Variants in NRG3 observed in about 807,000 individuals in gnomAD.
The protein encoded by NRG3 is pro-neuregulin-3, membrane-bound isoform.
Under a neutral mutation model 66.9 loss-of-function variants are expected in NRG3, and 31 were observed. The ratio of observed to expected loss-of-function variants is 0.46; its 90% CI spans 0.35 to 0.63. The LOEUF is 0.63. Among genes scored for constraint, NRG3 ranks in the 20% least tolerant of loss-of-function variants. NRG3 has a pLI of 0.00. For synonymous variants in NRG3, 393 were observed against 359.4 expected (o/e 1.09, Z -1.06); for missense variants, 910 against 878.9 (o/e 1.04, Z -0.45).
At chr10:82,315,925 G>A (rs1222319249) in intron 1 of NRG3, among the ~76,000 whole-genome samples, 1 of 152,094 alleles carries the variant, frequency 6.6e-6, no homozygotes, top group African/African-American at 2.4e-5. Flanking sequence ...GGGATTACAG[G>A]TGGGAGCCAC....
intron 2 of NRG3, among the ~76,000 whole-genome samples, chr10:82,703,428 A>G (rs1464897034): frequency 1.3e-5 from 2 of 152,096 alleles, no homozygotes; most frequent in African/African-American, 4.8e-5. Flanking sequence ...GGAGCTAGCT[A>G]CCCCAAATCA....
chr10:82,521,638 C>T (rs1326424577), intron 2 of NRG3, among the ~76,000 whole-genome samples: 1 of 152,146 alleles, frequency 6.6e-6, no homozygotes, highest in African/African-American at 2.4e-5. Flanking sequence ...CGTGCCCGGC[C>T]AGACTGTGGA....
chr10:81,970,299 T>C lies in NRG3; in HGVS notation c.823+94136T>C, dbSNP rs115464053. ...AAATCAACATGTCAGAGAGATGTTA[T>C]TTGTTACTGGCTCTGTGACTAATTA... On this transcript the variant is annotated intron_variant, in intron 1 of 8. Transcript: ENST00000372141. 5.7e-3 allele frequency among the ~76,000 whole-genome samples: 869 copies of C among 151,852 alleles called. 11 individuals are homozygous for C. The highest frequency in any genetic ancestry group is 0.02 in the African/African-American group (819 of 41,130).
At chr10:81,882,839 T>C (rs1305329085) in intron 1 of NRG3, among the ~76,000 whole-genome samples, 2 of 152,178 alleles carry the variant, frequency 1.3e-5, no homozygotes. Flanking sequence ...CAATAAAATA[T>C]AGTGTGGAGT....
intron 4 of NRG3, among the ~76,000 whole-genome samples, chr10:82,937,183 GGTTCTAT>G (rs1171212159): frequency 6.6e-6 from 1 of 151,928 alleles, no homozygotes; most frequent in Non-Finnish European, 1.5e-5. Context: ...TTTTACAATG[GGTTCTAT>G]GATATATTAA....
intron 1 of NRG3, among the ~76,000 whole-genome samples, chr10:82,301,071 A>G (rs2080375958): frequency 1.3e-5 from 2 of 152,208 alleles, no homozygotes; most frequent in South Asian, 4.1e-4. Flanking sequence ...TATCTCTTGC[A>G]GCAAGTAATT....
intron 4 of NRG3, among the ~76,000 whole-genome samples, chr10:82,916,824 C>A (rs1021700410): frequency 6.6e-6 from 1 of 152,178 alleles, no homozygotes; most frequent in Admixed American, 6.5e-5. Flanking sequence ...CCATGTTGGC[C>A]AGGCTGGTCA....
intron 1 of NRG3, among the ~76,000 whole-genome samples, chr10:82,097,031 C>T (rs193170784): frequency 1.3e-5 from 2 of 152,216 alleles, no homozygotes; most frequent in East Asian, 1.9e-4. Context: ...ACTACCACCA[C>T]GATTAGATAC....
At chr10:82,893,101 G>GTA (rs1003586399) in intron 4 of NRG3, among the ~76,000 whole-genome samples, 1 of 152,148 alleles carries the variant, frequency 6.6e-6, no homozygotes, top group African/African-American at 2.4e-5. Context: ...GATATGAAGT[G>GTA]TATAATTAAG....
intron 3 of NRG3, among the ~76,000 whole-genome samples, chr10:82,752,403 A>G (rs1387455511): frequency 2.6e-5 from 4 of 152,130 alleles, no homozygotes; most frequent in Non-Finnish European, 4.4e-5. Context: ...AGTAAAATGA[A>G]CAAAAAATCC....
At chr10:82,369,181 G>A (rs1002249290) in intron 2 of NRG3, among the ~76,000 whole-genome samples, 1 of 139,034 alleles carries the variant, frequency 7.2e-6, no homozygotes, top group Non-Finnish European at 1.5e-5. Context: ...TACCAGACTA[G>A]GGAGGCTGAC....
Position 82,038,200 on chromosome 10 carries a change from A to C in NRG3, c.823+162037A>C, listed in dbSNP as rs115815710. Among the ~76,000 whole-genome samples, 1,487 of 152,268 alleles carry C rather than the reference A, an allele frequency of 9.8e-3. 32 individuals are homozygous for C. The highest frequency in any genetic ancestry group is 0.033 in the African/African-American group (1,389 of 41,568). On this transcript the variant is annotated intron_variant, in intron 1 of 8. Transcript: ENST00000372141. The stretch of plus-strand genomic sequence containing the variant: ...GTTCTGAGCATTCTGAATTACTTAC[A>C]TTTGTAAAATTCCTTTTGAAAAATG...
At chr10:82,384,591 C>T (rs2085856349) in intron 2 of NRG3, among the ~76,000 whole-genome samples, 1 of 152,102 alleles carries the variant, frequency 6.6e-6, no homozygotes, top group African/African-American at 2.4e-5. Context: ...CACACATGTC[C>T]CTGCAGAGAA....
intron 1 of NRG3, among the ~76,000 whole-genome samples, chr10:82,259,133 A>G (rs1667826087): frequency 6.6e-6 from 1 of 152,168 alleles, no homozygotes; most frequent in Admixed American, 6.5e-5. Context: ...TTCAGTCACC[A>G]TGGGTTAATT....
intron 1 of NRG3, among the ~76,000 whole-genome samples, chr10:82,112,514 A>G (rs968294439): frequency 8.5e-5 from 13 of 152,164 alleles, no homozygotes; most frequent in African/African-American, 2.9e-4. Flanking sequence ...GGCAGTTTAA[A>G]TGGCAGAATT....
intron 1 of NRG3, among the ~76,000 whole-genome samples, chr10:82,316,252 A>G (rs973803177): frequency 1.3e-5 from 2 of 152,200 alleles, no homozygotes; most frequent in East Asian, 3.9e-4. Flanking sequence ...AAACACTCCT[A>G]TAACTAACGT....
chr10:82,074,670 C>T (rs141463887), intron 1 of NRG3, among the ~76,000 whole-genome samples: 181 of 152,084 alleles, frequency 1.2e-3, no homozygotes, highest in African/African-American at 4.2e-3. Flanking sequence ...TCTCTACAAA[C>T]AAAGTTTTAA....
chr10:82,505,988 C>T (rs997053934), intron 2 of NRG3, among the ~76,000 whole-genome samples: 1 of 152,204 alleles, frequency 6.6e-6, no homozygotes, highest in Non-Finnish European at 1.5e-5. Context: ...TGGCTCACGC[C>T]TGTAATCCCA....
chr10:82,948,961 G>A (rs1002367310), intron 4 of NRG3, among the ~76,000 whole-genome samples: 1 of 152,096 alleles, frequency 6.6e-6, no homozygotes, highest in African/African-American at 2.4e-5. Context: ...GAAGGTATGA[G>A]AGTGGATATT....
Sources: gnomAD v4.1 joint callset for allele counts (sites outside exome capture counted in the v4.1 genomes callset) on GRCh38, gnomAD v4.1.1 for gene constraint, MANE v1.5 for transcripts, NCBI Gene and HGNC (gene_info 2026-07-23, HGNC 2026-07-21) for gene names.